Variants in BANK1 observed in about 807,000 individuals in gnomAD.
The protein encoded by BANK1 is B cell scaffold protein with ankyrin repeats 1.
A neutral mutation model predicts 94.5 loss-of-function variants in BANK1; 95 were observed. That is an observed-to-expected ratio of 1.00 (90% confidence interval 0.85 to 1.19). BANK1 has a LOEUF of 1.19. Among genes scored for constraint, BANK1 ranks in the 50% most tolerant of loss-of-function variants. The probability of loss-of-function intolerance (pLI) is 0.00; values close to 1 mark genes in which losing one functional copy is unlikely to be tolerated. For synonymous variants in BANK1, 334 were observed against 308.4 expected, an observed-to-expected ratio of 1.08 and a Z score of -0.87; for missense variants, 987 against 932.2, an observed-to-expected ratio of 1.06 and a Z score of -0.77.
chr4:102,063,339 G>A (rs1001799661), intron 13 of BANK1, among the ~76,000 whole-genome samples: 1 of 151,830 alleles, frequency 6.6e-6, no homozygotes, highest in Non-Finnish European at 1.5e-5. Flanking sequence ...ATCTGAGGGT[G>A]CTTGTGTAAG....
At chr4:101,909,676 C>T (rs1237600826) in intron 6 of BANK1, among the ~76,000 whole-genome samples, 1 of 152,196 alleles carries the variant, frequency 6.6e-6, no homozygotes, top group Non-Finnish European at 1.5e-5. Context: ...TACAATGCTG[C>T]AGAGATTTTG....
chr4:101,869,637 T>C (rs1352933549), intron 4 of BANK1, among the ~76,000 whole-genome samples: 1 of 151,924 alleles, frequency 6.6e-6, no homozygotes, highest in Non-Finnish European at 1.5e-5. Flanking sequence ...CTTTTAAATA[T>C]TCAAAGCTCT....
chr4:101,854,607 G>GTT (rs962580171), intron 2 of BANK1, among the ~76,000 whole-genome samples: 1 of 146,922 alleles, frequency 6.8e-6, no homozygotes, highest in Non-Finnish European at 1.5e-5. Context: ...TGTGCTTTCT[G>GTT]TTTTTTTTTT....
At chr4:101,897,598 A>G (rs1478029566) in intron 6 of BANK1, among the ~76,000 whole-genome samples, 1 of 151,994 alleles carries the variant, frequency 6.6e-6, no homozygotes, top group Non-Finnish European at 1.5e-5. Flanking sequence ...TGATGCTGCT[A>G]CACCTCATAC....
At chr4:102,052,506 T>C (rs1728087308) in intron 11 of BANK1, among the ~76,000 whole-genome samples, 1 of 152,034 alleles carries the variant, frequency 6.6e-6, no homozygotes, top group Non-Finnish European at 1.5e-5. Context: ...TTGTAAAGAC[T>C]CAGAATAATT....
At chr4:101,965,637 G>T (rs917672509) in intron 7 of BANK1, among the ~76,000 whole-genome samples, 4 of 152,084 alleles carry the variant, frequency 2.6e-5, no homozygotes, top group African/African-American at 9.7e-5. Flanking sequence ...TTTATGGTGT[G>T]TGAACCTCAA....
At position 101,844,483 on chromosome 4, in the gene BANK1, C is replaced by T. The variant is rs115357927; in HGVS notation, c.470-10552C>T. On this transcript the variant is annotated intron_variant, in intron 2 of 16. Coordinates refer to ENST00000322953, the MANE Select transcript of BANK1 (RefSeq NM_017935.5). ...CAAGCAAGTCTGCTGACAAGGCCCA[C>T]TTGCTAGAACTTCTCTTGTGTGAGG... Among the ~76,000 whole-genome samples the T allele has an allele frequency of 5.9e-3, 894 of 152,282 alleles. 10 individuals carry two copies. Among genetic ancestry groups the T allele is most frequent in the African/African-American group, 0.02 (825 of 41,554 alleles).
chr4:102,073,180 A>G (rs977559697), intron 15 of BANK1, among the ~76,000 whole-genome samples: 1 of 151,564 alleles, frequency 6.6e-6, no homozygotes, highest in African/African-American at 2.4e-5. Context: ...GAATTGAAGC[A>G]GTTGCATTTT....
At chr4:101,905,385 G>A (rs764331927) in intron 6 of BANK1, among the ~76,000 whole-genome samples, 11 of 152,190 alleles carry the variant, frequency 7.2e-5, no homozygotes, top group Non-Finnish European at 1.6e-4. Context: ...GGAATGGCCT[G>A]AGCTGGAAAT....
In BANK1 at chr4:101,878,076, T is replaced by C. The variant is rs180969425; in HGVS notation, c.903+7432T>C. Among the ~76,000 whole-genome samples the C allele has an allele frequency of 3.1e-3, 474 of 151,182 alleles. 1 individual carries two copies. Among genetic ancestry groups the C allele is most frequent in the Non-Finnish European group, 5.1e-3 (345 of 67,706 alleles). ...CACAAAACAACCAAAAAAACAAATATCAAAATAGCAGGATTAAGTCCTTAC... is the reference window on the plus strand; with the variant it reads ...CACAAAACAACCAAAAAAACAAATACCAAAATAGCAGGATTAAGTCCTTAC... On this transcript the variant is annotated intron_variant, in intron 5 of 16. Coordinates refer to ENST00000322953, the MANE Select transcript of BANK1 (RefSeq NM_017935.5).
At chr4:102,061,645 G>A (rs761529062) in intron 12 of BANK1, 9 of 151,978 alleles carry the variant, frequency 5.9e-5, no homozygotes, top group Admixed American at 2.0e-4. Flanking sequence ...AAATAATAAC[G>A]TTTTCCATTT....
At chr4:101,805,377 A>G (rs1725516928) in intron 1 of BANK1, among the ~76,000 whole-genome samples, 1 of 152,104 alleles carries the variant, frequency 6.6e-6, no homozygotes, top group East Asian at 1.9e-4. Flanking sequence ...TTTAGTACTC[A>G]GGTGGGATGC....
chr4:101,848,376 C>T (rs1406276398), intron 2 of BANK1, among the ~76,000 whole-genome samples: 4 of 152,134 alleles, frequency 2.6e-5, no homozygotes, highest in African/African-American at 7.2e-5. Context: ...TCCTCCTGTC[C>T]GCCATGATCT....
intron 7 of BANK1, among the ~76,000 whole-genome samples, chr4:101,954,583 A>C (rs1443099640): frequency 5.9e-5 from 9 of 152,082 alleles, no homozygotes; most frequent in Non-Finnish European, 1.2e-4. Context: ...CATGACAAGC[A>C]CTTGGAGGGC....
intron 7 of BANK1, among the ~76,000 whole-genome samples, chr4:101,939,337 T>C (rs1723668881): frequency 6.6e-6 from 1 of 151,778 alleles, no homozygotes; most frequent in African/African-American, 2.4e-5. Context: ...GCATTGCAAG[T>C]TGTAAAATAA....
intron 2 of BANK1, among the ~76,000 whole-genome samples, chr4:101,832,448 A>C (rs1726657481): frequency 1.3e-5 from 2 of 152,148 alleles, no homozygotes; most frequent in Non-Finnish European, 2.9e-5. Context: ...TTTAGTCTGC[A>C]CTGCACTCTA....
intron 7 of BANK1, among the ~76,000 whole-genome samples, chr4:101,924,920 A>G (rs1055721427): frequency 6.6e-6 from 1 of 151,706 alleles, no homozygotes; most frequent in Non-Finnish European, 1.5e-5. Context: ...TTATTCCAAG[A>G]TCTATTAACT....
At chr4:102,017,984 G>A (rs1025849574) in intron 7 of BANK1, among the ~76,000 whole-genome samples, 13 of 151,990 alleles carry the variant, frequency 8.6e-5, no homozygotes, top group Non-Finnish European at 1.9e-4. Flanking sequence ...AATATAAAAA[G>A]AAACTTTCAT....
intron 3 of BANK1, among the ~76,000 whole-genome samples, chr4:101,861,989 A>G (rs1242867229): frequency 1.3e-5 from 2 of 152,138 alleles, no homozygotes; most frequent in South Asian, 2.1e-4. Flanking sequence ...CTTACCACAA[A>G]TAAAGAGTGG....
Sources: allele counts gnomAD v4.1 joint callset (sites outside exome capture counted in the v4.1 genomes callset), GRCh38; gene constraint gnomAD v4.1.1; transcripts MANE v1.5; gene names NCBI Gene and HGNC (gene_info 2026-07-23, HGNC 2026-07-21).